The following AKAP6 variants were observed in gnomAD, a reference collection of about 807,000 sequenced individuals.
AKAP6 encodes A-kinase anchoring protein 6, also known as A-kinase anchor protein 6.
A neutral mutation model predicts 188.5 loss-of-function variants in AKAP6; 58 were observed. That is an observed-to-expected ratio of 0.31 (90% confidence interval 0.25 to 0.38). AKAP6 has a LOEUF of 0.38. Among genes scored for constraint, AKAP6 ranks in the 10% least tolerant of loss-of-function variants. AKAP6 has a pLI of 1.00. For synonymous variants in AKAP6, 989 were observed against 998.6 expected (o/e 0.99, Z 0.18); for missense variants, 2,710 against 2,740.0 (o/e 0.99, Z 0.24).
intron 1 of AKAP6, among the ~76,000 whole-genome samples, chr14:32,429,181 C>T (rs1890135912): frequency 6.6e-6 from 1 of 152,130 alleles, no homozygotes; most frequent in Non-Finnish European, 1.5e-5. Context: ...TTATTTTCAC[C>T]ATCAGAACTT....
intron 7 of AKAP6, among the ~76,000 whole-genome samples, chr14:32,638,040 A>G (rs900706755): frequency 1.3e-5 from 2 of 152,076 alleles, no homozygotes; most frequent in African/African-American, 4.8e-5. Flanking sequence ...ATATTTTTAA[A>G]TTAGGGTAAA....
chr14:32,409,029 G>C (rs1008592556), intron 1 of AKAP6, among the ~76,000 whole-genome samples: 1 of 152,024 alleles, frequency 6.6e-6, no homozygotes, highest in Non-Finnish European at 1.5e-5. Context: ...GTGAAACCCT[G>C]TCTCTACTAA....
At chr14:32,367,194 C>T (rs188979843) in intron 1 of AKAP6, among the ~76,000 whole-genome samples, 177 of 152,308 alleles carry the variant, frequency 1.2e-3, no homozygotes, top group Non-Finnish European at 2.1e-3. Flanking sequence ...TCTTGCTCCA[C>T]TAAGTCAACA....
intron 12 of AKAP6, 31 bp from the exon 13 acceptor site, chr14:32,821,371 T>C: frequency 6.5e-7 from 1 of 1,541,458 alleles, no homozygotes; most frequent in Non-Finnish European, 8.7e-7. Flanking sequence ...TCCCTAATTC[T>C]TCTCCTTTTC....
intron 3 of AKAP6, among the ~76,000 whole-genome samples, chr14:32,540,131 G>A (rs1369186517): frequency 1.5e-5 from 1 of 66,504 alleles, no homozygotes; most frequent in African/African-American, 8.6e-5. Context: ...TTGCTCGTGC[G>A]CTCTCTCTCT....
intron 7 of AKAP6, among the ~76,000 whole-genome samples, chr14:32,675,633 G>T (rs1294461904): frequency 6.6e-6 from 1 of 152,328 alleles, no homozygotes; most frequent in South Asian, 2.1e-4. Context: ...ATTTGGGAAT[G>T]AATCACTGAA....
chr14:32,823,352 A>G lies in AKAP6; in HGVS notation c.5539A>G (p.Thr1847Ala). The G allele has an allele frequency of 1.2e-6, 2 of 1,613,820 alleles. No homozygotes were observed. Among genetic ancestry groups the G allele is most frequent in the Non-Finnish European group, 1.7e-6 (2 of 1,179,906 alleles). ...TNPSDTLNIE[T>A]LLNGSVKRVS... ...TCCCTCTGATACTCTGAATATTGAG[A>G]CCCTTCTAAATGGCTCTGTAAAACG... Residue 1847 changes from threonine to alanine, a missense_variant, in exon 13 of 14, where the codon ACC becomes GCC. Transcript: ENST00000280979.
intron 2 of AKAP6, among the ~76,000 whole-genome samples, chr14:32,460,259 TAGAGAGGGAGACAGAG>T (rs1157589903): frequency 6.6e-6 from 1 of 151,922 alleles, no homozygotes; most frequent in Non-Finnish European, 1.5e-5. Flanking sequence ...ATTTCCAGGA[TAGAGAGGGAGACAGAG>T]AGAGAGGAAA....
In AKAP6 at chr14:32,432,706, G is replaced by A. The variant is rs189528141; in HGVS notation, c.-34-754G>A. On this transcript the variant is annotated intron_variant, in intron 1 of 13. Transcript: ENST00000280979. ...TTTTGTGATTAGAACATCTTCCCAC[G>A]TAGCTGTCCCACGTATTGAATATGT... Among the ~76,000 whole-genome samples, 4 of 152,230 alleles carry A rather than the reference G, an allele frequency of 2.6e-5. No individual in the cohort carries two copies. The East Asian group carries it at 7.7e-4, about 29-fold the overall frequency.
intron 1 of AKAP6, among the ~76,000 whole-genome samples, chr14:32,369,107 G>A (rs1887929846): frequency 6.6e-6 from 1 of 152,168 alleles, no homozygotes. Context: ...CTCTTCAAAT[G>A]TGGTTAAAAA....
intron 1 of AKAP6, among the ~76,000 whole-genome samples, chr14:32,399,223 G>A (rs540457282): frequency 6.6e-6 from 1 of 152,210 alleles, no homozygotes; most frequent in South Asian, 2.1e-4. Flanking sequence ...GGGAGTCAGA[G>A]CAAAAACTAC....
intron 2 of AKAP6, among the ~76,000 whole-genome samples, chr14:32,449,102 C>G (rs1890848024): frequency 6.6e-6 from 1 of 152,182 alleles, no homozygotes; most frequent in African/African-American, 2.4e-5. Flanking sequence ...CCAGTCTGCT[C>G]TACAATGTCC....
rs1351742868 is a variant in AKAP6 at position 32,782,124 on chromosome 14, C to T, written c.3588+8231C>T. On this transcript the variant is annotated intron_variant, in intron 12 of 13. Transcript: ENST00000280979. The stretch of plus-strand genomic sequence containing the variant: ...AGGTTGCAGTGAGCCGAGATCACGC[C>T]ACTGTATTCCAGCCTGGGTGACAGA... Among the ~76,000 whole-genome samples the T allele has an allele frequency of 3.0e-5, 4 of 134,262 alleles. No homozygotes were observed. The East Asian group carries it at 1.0e-3, about 35-fold the overall frequency. The allele number at this position is 134,262 out of a possible 152,430, so 88.1% of individuals were successfully genotyped here.
chr14:32,462,502 A>G (rs1023804320), intron 2 of AKAP6, among the ~76,000 whole-genome samples: 5 of 152,214 alleles, frequency 3.3e-5, no homozygotes, highest in African/African-American at 1.2e-4. Context: ...AGGAGAAATA[A>G]AATTCTTTAT....
intron 11 of AKAP6, among the ~76,000 whole-genome samples, chr14:32,740,725 G>A (rs141159389): frequency 5.9e-5 from 9 of 152,028 alleles, no homozygotes; most frequent in East Asian, 1.9e-4. Context: ...TGTTCCATTC[G>A]TCTATGTGTC....
At chr14:32,501,672 G>A (rs1010344685) in intron 2 of AKAP6, among the ~76,000 whole-genome samples, 3 of 152,088 alleles carry the variant, frequency 2.0e-5, no homozygotes, top group African/African-American at 7.2e-5. Context: ...GGAAATTGAT[G>A]CCCAGGCAGA....
At chr14:32,452,205 T>C (rs1283509394) in intron 2 of AKAP6, among the ~76,000 whole-genome samples, 3 of 151,834 alleles carry the variant, frequency 2.0e-5, no homozygotes, top group Non-Finnish European at 4.4e-5. Flanking sequence ...CTAATTTTTC[T>C]ATATGTTTTG....
Position 32,784,793 on chromosome 14 carries a change from G to A in AKAP6, c.3588+10900G>A, listed in dbSNP as rs1419422847. Among the ~76,000 whole-genome samples the A allele has an allele frequency of 2.6e-5, 4 of 152,300 alleles. No individual in the cohort carries two copies. The East Asian group carries it at 7.7e-4, about 29-fold the overall frequency. On this transcript the variant is annotated intron_variant, in intron 12 of 13. Transcript: ENST00000280979. ...GGCGGAGAAAGGTGTGGACGCAGGCGTATCTGACTCCAAGATGTAAAGTTC... is the reference window on the plus strand; with the variant it reads ...GGCGGAGAAAGGTGTGGACGCAGGCATATCTGACTCCAAGATGTAAAGTTC...
chr14:32,513,153 G>C (rs1881344006), intron 2 of AKAP6, among the ~76,000 whole-genome samples: 1 of 152,172 alleles, frequency 6.6e-6, no homozygotes, highest in African/African-American at 2.4e-5. Flanking sequence ...ACTGTCCATA[G>C]AACTATCTCC....
Sources: allele counts gnomAD v4.1 joint callset (sites outside exome capture counted in the v4.1 genomes callset), GRCh38; gene constraint gnomAD v4.1.1; transcripts MANE v1.5; gene names NCBI Gene and HGNC (gene_info 2026-07-23, HGNC 2026-07-21).